TCF12: variants seen among roughly 807,000 people sequenced by gnomAD.
TCF12 encodes the protein DNA-binding protein HTF4.
A neutral mutation model predicts 86.0 loss-of-function variants in TCF12; 45 were observed. That is an observed-to-expected ratio of 0.52 (90% CI 0.41 to 0.67). The LOEUF (loss-of-function observed/expected upper bound fraction) is 0.67. Ranked by LOEUF, TCF12 falls within the 30% of genes least tolerant of loss-of-function variation. The pLI, the probability that TCF12 is intolerant of heterozygous loss-of-function variation, is 0.00. For synonymous variants in TCF12, 330 were observed against 299.6 expected, an observed-to-expected ratio of 1.10 and a Z score of -1.05; for missense variants, 881 against 859.9, an observed-to-expected ratio of 1.02 and a Z score of -0.31.
chr15:57,271,390 C>T (rs1216724905), intron 18 of TCF12, among the ~76,000 whole-genome samples: 1 of 152,224 alleles, frequency 6.6e-6, no homozygotes, highest in Non-Finnish European at 1.5e-5. Context: ...TGGGACCCAC[C>T]AGGCCAGGCA....
At chr15:57,066,004 C>G (rs1170574629) in intron 4 of TCF12, among the ~76,000 whole-genome samples, 1 of 152,060 alleles carries the variant, frequency 6.6e-6, no homozygotes, top group Non-Finnish European at 1.5e-5. Context: ...TAATTTTTCT[C>G]CTTCTATCCT....
intron 3 of TCF12, among the ~76,000 whole-genome samples, chr15:57,043,871 A>C (rs1341481770): frequency 1.3e-5 from 2 of 152,200 alleles, no homozygotes; most frequent in Non-Finnish European, 2.9e-5. Flanking sequence ...TTTGCAAATG[A>C]AATTATTATT....
At chr15:57,290,342 A>C (rs79136493), downstream of TCF12, among the ~76,000 whole-genome samples, 2 of 3,356 alleles carry the variant, frequency 6.0e-4, no homozygotes, top group African/African-American at 1.8e-3. Context: ...AAACTGTCTC[A>C]AAAAAAAAAA....
chr15:57,163,072 G>T (rs556199900), intron 5 of TCF12, among the ~76,000 whole-genome samples: 1 of 152,214 alleles, frequency 6.6e-6, no homozygotes, highest in South Asian at 2.1e-4. Flanking sequence ...TACTTGGGAG[G>T]CTGAGGCAGG....
At chr15:57,098,230 C>T (rs1369063489) in intron 5 of TCF12, among the ~76,000 whole-genome samples, 1 of 151,806 alleles carries the variant, frequency 6.6e-6, no homozygotes, top group Admixed American at 6.6e-5. Context: ...AGAAACATGG[C>T]ATTGACCCTC....
chr15:57,069,009 A>ATCT (rs2069142196), intron 4 of TCF12, among the ~76,000 whole-genome samples: 1 of 152,092 alleles, frequency 6.6e-6, no homozygotes, highest in Non-Finnish European at 1.5e-5. Context: ...CTGTTTCTAG[A>ATCT]ATGTCGAGTT....
chr15:57,024,082 C>G (rs185498154), intron 3 of TCF12, among the ~76,000 whole-genome samples: 147 of 152,232 alleles, frequency 9.7e-4, no homozygotes, highest in African/African-American at 3.5e-3. Flanking sequence ...TGGTAGTAAT[C>G]TGTTGCCCAG....
At chr15:56,996,460 T>G (rs968789949) in intron 3 of TCF12, among the ~76,000 whole-genome samples, 2 of 152,180 alleles carry the variant, frequency 1.3e-5, no homozygotes, top group Non-Finnish European at 2.9e-5. Flanking sequence ...AGAATGAAAC[T>G]AGACCCCTAC....
At chr15:57,023,944 C>T (rs2065656093) in intron 3 of TCF12, among the ~76,000 whole-genome samples, 1 of 152,096 alleles carries the variant, frequency 6.6e-6, no homozygotes, top group Non-Finnish European at 1.5e-5. Flanking sequence ...TAGTTCACAA[C>T]AGGGTTCATG....
At chr15:57,180,860 G>C (rs1336508438) in intron 6 of TCF12, among the ~76,000 whole-genome samples, 7 of 127,574 alleles carry the variant, frequency 5.5e-5, no homozygotes, top group Admixed American at 1.8e-4. Flanking sequence ...TGTCGCCCAG[G>C]CTGGAGTGCA....
intron 3 of TCF12, among the ~76,000 whole-genome samples, chr15:57,033,802 G>T (rs187243244): frequency 3.3e-5 from 5 of 152,116 alleles, no homozygotes; most frequent in Non-Finnish European, 7.4e-5. Context: ...TAGACATTTG[G>T]TAGGGATTAT....
At chr15:57,111,807 G>A (rs73415414) in intron 5 of TCF12, among the ~76,000 whole-genome samples, 4,003 of 151,964 alleles carry the variant, frequency 0.026, 173 homozygotes, top group African/African-American at 0.093. Flanking sequence ...TGTTCAAGCT[G>A]GTCTCAAACT....
chr15:57,165,432 C>T (rs949931134), intron 5 of TCF12, among the ~76,000 whole-genome samples: 1 of 151,888 alleles, frequency 6.6e-6, no homozygotes, highest in Admixed American at 6.6e-5. Flanking sequence ...TGTTCGAGAA[C>T]ATGAATATAT....
chr15:57,188,204 T>C (rs1164584609), intron 6 of TCF12, among the ~76,000 whole-genome samples: 1 of 152,152 alleles, frequency 6.6e-6, no homozygotes, highest in Non-Finnish European at 1.5e-5. Flanking sequence ...TACCTAAGAA[T>C]TAATTTAATT....
At chr15:56,957,855 TG>T (rs2061563846) in intron 3 of TCF12, among the ~76,000 whole-genome samples, 2 of 151,696 alleles carry the variant, frequency 1.3e-5, no homozygotes, top group Admixed American at 6.6e-5. Context: ...TGAAACTACT[TG>T]ATCTTTTCTG....
At chr15:57,170,797 TATATATAA>T (rs1242813521) in intron 6 of TCF12, among the ~76,000 whole-genome samples, 1,750 of 51,580 alleles carry the variant, frequency 0.034, 118 homozygotes, top group African/African-American at 0.15. Flanking sequence ...ATATAATATA[TATATATAA>T]TTTTTTTTTT....
intron 5 of TCF12, among the ~76,000 whole-genome samples, chr15:57,126,890 G>C (rs1027428078): frequency 1.3e-5 from 2 of 152,006 alleles, no homozygotes; most frequent in Admixed American, 1.3e-4. Flanking sequence ...TTTGTGTCTT[G>C]GGAACATGGG....
chr15:56,923,541 T>C (rs1406125658), intron 3 of TCF12, among the ~76,000 whole-genome samples: 1 of 152,120 alleles, frequency 6.6e-6, no homozygotes, highest in Non-Finnish European at 1.5e-5. Context: ...GAGAAACTTT[T>C]CTTTCTGTAG....
rs1352309780 is a variant in TCF12, at chr15:57,192,279, ACT to A, written c.515_516del (p.Ser172CysfsTer4). On this transcript the variant is annotated frameshift_variant, in exon 7 of 21. Transcript: ENST00000333725. LOFTEE classifies it high-confidence loss of function. The stretch of plus-strand genomic sequence containing the variant: ...AGTTCCAGGAGGAGACCACTCCATG[ACT>A]CTGCAGCGCTTGGTGAGTGTATCAC... 1 of 1,613,612 alleles carries A rather than the reference ACT, an allele frequency of 6.2e-7. No homozygotes were observed. Among genetic ancestry groups the A allele is most frequent in the Non-Finnish European group, 8.5e-7 (1 of 1,179,922 alleles).
Sources: allele counts gnomAD v4.1 joint callset (sites outside exome capture counted in the v4.1 genomes callset), GRCh38; gene constraint gnomAD v4.1.1; transcripts MANE v1.5; gene names NCBI Gene and HGNC (gene_info 2026-07-23, HGNC 2026-07-21).